The following TRIP11 variants were observed in gnomAD, a reference collection of about 807,000 sequenced individuals.
TRIP11 encodes thyroid hormone receptor interactor 11, also known as thyroid receptor-interacting protein 11.
Under a neutral mutation model 223.1 loss-of-function variants are expected in TRIP11, and 148 were observed. The observed-to-expected ratio is 0.66, with a 90% confidence interval of 0.58 to 0.76. The LOEUF (loss-of-function observed/expected upper bound fraction) is 0.76. Among genes scored for constraint, TRIP11 ranks in the 30% least tolerant of loss-of-function variants. TRIP11 has a pLI of 0.00. For missense variants in TRIP11, 2,043 were observed against 2,222.0 expected, an observed-to-expected ratio of 0.92 and a Z score of 1.62; for synonymous variants, 762 against 772.6, an observed-to-expected ratio of 0.99 and a Z score of 0.23.
At chr14:92,018,958 C>G (rs1371390158) in intron 4 of TRIP11, among the ~76,000 whole-genome samples, 5 of 66,312 alleles carry the variant, frequency 7.5e-5, no homozygotes, top group African/African-American at 2.1e-4. Flanking sequence ...AAGACTCCAT[C>G]TCAAAAAAAA....
chr14:92,020,196 G>A (rs2057092807), intron 4 of TRIP11, among the ~76,000 whole-genome samples: 1 of 151,784 alleles, frequency 6.6e-6, no homozygotes, highest in Non-Finnish European at 1.5e-5. Context: ...AGGTTGCAGT[G>A]AGCTGAGATG....
In TRIP11 at chr14:92,004,545, G is replaced by T; in HGVS notation, c.3431C>A (p.Ser1144Tyr). 6.2e-7 allele frequency: 1 copy of T among 1,613,262 alleles called. No homozygotes were observed. The highest frequency in any genetic ancestry group is 1.1e-5 in the South Asian group (1 of 91,040). Reference sequence around the variant, plus strand: ...TTGGCCACTACTTTCAAATCTAGTGGACAATTTTTTATTTTCATCTTGCAG... The same window carrying T: ...TTGGCCACTACTTTCAAATCTAGTGTACAATTTTTTATTTTCATCTTGCAG... ...IKLQDENKKL[S>Y]TRFESSGQDM... is the part of the protein sequence containing the mutation. The change falls in exon 11 of 21, where the codon TCC (serine) becomes TAC (tyrosine). Residue 1144 changes from serine to tyrosine, a missense_variant. Transcript: ENST00000267622.
At chr14:92,010,788 T>A (rs545773258) in intron 9 of TRIP11, among the ~76,000 whole-genome samples, 198 bp downstream of exon 9, 1 of 151,984 alleles carries the variant, frequency 6.6e-6, no homozygotes, top group East Asian at 1.9e-4. Flanking sequence ...TATTTCTAAA[T>A]ACGAACTCAA....
intron 11 of TRIP11, among the ~76,000 whole-genome samples, chr14:92,001,606 G>A (rs17806772): frequency 0.3 from 45,237 of 152,030 alleles, 6,901 homozygotes; most frequent in Middle Eastern, 0.35. Context: ...AGCTAACTTA[G>A]GGAAGCTTCC....
In TRIP11 at chr14:91,972,819, G is replaced by C. The variant is rs759092696; in HGVS notation, c.5617C>G (p.His1873Asp). 14 of 1,612,956 alleles carry C rather than the reference G, an allele frequency of 8.7e-6. No homozygotes were observed. The highest frequency in any genetic ancestry group is 1.2e-5 in the Non-Finnish European group (14 of 1,179,582). ...AGCTTTGGTGGTGGAATGGATGGAT[G>C]AGATTCTGTTTCTAGAAATTTAACA... Reference protein sequence around the residue: ...LFVKFLETESHPSIPPPKLSV... With the variant: ...LFVKFLETESDPSIPPPKLSV... The change falls in exon 20 of 21, where the codon CAT (histidine) becomes GAT (aspartate). Residue 1873 changes from histidine to aspartate, a missense_variant. Physicochemically the swap from His to Asp is moderately conservative, Grantham distance 81 (BLOSUM62 -1). Coordinates refer to ENST00000267622, the MANE Select transcript of TRIP11 (RefSeq NM_004239.4).
intron 4 of TRIP11, among the ~76,000 whole-genome samples, chr14:92,019,349 T>C (rs570597904): frequency 9.2e-5 from 14 of 152,302 alleles, no homozygotes; most frequent in South Asian, 6.2e-4. Context: ...TAAAACTGGC[T>C]AACAAATTGA....
At chr14:91,981,010 ATATTTTT>A (rs1358231384) in intron 16 of TRIP11, among the ~76,000 whole-genome samples, 666 of 55,534 alleles carry the variant, frequency 0.012, no homozygotes, top group Non-Finnish European at 0.018. Flanking sequence ...ATATATATAT[ATATTTTT>A]TTTTTTTTTT....
chr14:91,988,059 G>A (rs541043682), intron 16 of TRIP11, among the ~76,000 whole-genome samples: 1 of 152,296 alleles, frequency 6.6e-6, no homozygotes, highest in African/African-American at 2.4e-5. Flanking sequence ...CAATGGCATT[G>A]CCTCAACATC....
chr14:92,030,181 G>C (rs183494819), intron 2 of TRIP11, among the ~76,000 whole-genome samples: 1 of 143,004 alleles, frequency 7.0e-6, no homozygotes, highest in African/African-American at 2.6e-5. Flanking sequence ...TCCAGCCTGG[G>C]CGACAGAGCG....
intron 2 of TRIP11, chr14:92,027,014 T>C (rs986366936): frequency 1.5e-6 from 1 of 646,194 alleles, no homozygotes; most frequent in African/African-American, 2.2e-5. Flanking sequence ...CCGTGGGCAG[T>C]GCCACCAGCA....
chr14:92,014,426 T>C lies in TRIP11; in HGVS notation c.975A>G (p.Ala325=), dbSNP rs143126491. ...IKDINKKLSS[A]ENDRDILRRE... ...TCCTCAAAATATCTCTGTCATTTTC[T>C]GCAGAAGATAATTTTTTATTTATAT... Residue 325 remains alanine, a synonymous_variant, in exon 7 of 21, where the codon GCA becomes GCG. Coordinates refer to ENST00000267622, the MANE Select transcript of TRIP11 (RefSeq NM_004239.4). 31 of 1,609,296 alleles carry C rather than the reference T, an allele frequency of 1.9e-5. No homozygotes were observed. The highest frequency in any genetic ancestry group is 3.5e-4 in the Middle Eastern group (2 of 5,768).
At chr14:92,034,029 T>C (rs2057297006) in intron 1 of TRIP11, among the ~76,000 whole-genome samples, 1 of 152,188 alleles carries the variant, frequency 6.6e-6, no homozygotes, top group African/African-American at 2.4e-5. Flanking sequence ...CCACCTCCCT[T>C]TGTGCCCGAG....
chr14:91,999,068 T>G (rs2056787394), intron 13 of TRIP11, among the ~76,000 whole-genome samples, 172 bp downstream of exon 13: 1 of 152,130 alleles, frequency 6.6e-6, no homozygotes, highest in South Asian at 2.1e-4. Flanking sequence ...CCACACACAC[T>G]CTGAGTGCCT....
intron 20 of TRIP11, among the ~76,000 whole-genome samples, 160 bp downstream of exon 20, chr14:91,972,557 G>A (rs2056412737): frequency 6.7e-6 from 1 of 148,274 alleles, no homozygotes; most frequent in East Asian, 1.9e-4. Context: ...GCAAAAGCCT[G>A]ATGCCTTATT....
intron 2 of TRIP11, among the ~76,000 whole-genome samples, chr14:92,029,295 T>TTTTTA (rs1566874576): frequency 1.6e-5 from 2 of 128,070 alleles, no homozygotes; most frequent in African/African-American, 6.1e-5. Context: ...TTTTTTTTTT[T>TTTTTA]TTTTTTTTTT....
rs1180507209 is a variant in TRIP11 at position 91,966,163 on chromosome 14, C to T, written c.*3510G>A. On this transcript the variant is annotated 3_prime_UTR_variant, in exon 21 of 21. Transcript: ENST00000267622. ...TTAAGGTTGCGTTGGAAATTTCCCACGTTTAGATATTTCCCTAAAAATCAA... is the reference window on the plus strand; with the variant it reads ...TTAAGGTTGCGTTGGAAATTTCCCATGTTTAGATATTTCCCTAAAAATCAA... 1.1e-5 allele frequency: 2 copies of T among 174,766 alleles called. No homozygotes were observed. Among genetic ancestry groups the T allele is most frequent in the East Asian group, 9.9e-5 (1 of 10,150 alleles). The allele number at this position is 174,766 out of a possible 1,614,324, so 10.8% of individuals were successfully genotyped here. A position where few individuals can be genotyped will look rare whatever the true frequency, so the allele number is the denominator to read the frequency against.
rs543980233 is a variant in TRIP11, at chr14:92,019,118, G to C, written c.589-1368C>G. Among the ~76,000 whole-genome samples, 5 of 151,774 alleles carry C rather than the reference G, an allele frequency of 3.3e-5. No homozygotes were observed. The South Asian group carries it at 1.0e-3, about 32-fold the overall frequency. On this transcript the variant is annotated intron_variant, in intron 4 of 20. Coordinates refer to ENST00000267622, the MANE Select transcript of TRIP11 (RefSeq NM_004239.4). The stretch of plus-strand genomic sequence containing the variant: ...CAAATATTAATTTTTATTACGTCTT[G>C]CTAGAAAATTAAGTCCTCTGAACGG...
Position 91,972,735 on chromosome 14 carries a change from C to A in TRIP11, c.5701G>T (p.Ala1901Ser). The A allele has an allele frequency of 6.2e-7, 1 of 1,610,110 alleles. No homozygotes were observed. Among genetic ancestry groups the A allele is most frequent in the East Asian group, 2.2e-5 (1 of 44,712 alleles). The change falls in exon 20 of 21, where the codon GCA becomes TCA. Residue 1901 changes from alanine to serine, a missense_variant. Physicochemically the swap from Ala to Ser is moderately conservative, Grantham distance 99. Coordinates refer to ENST00000267622, the MANE Select transcript of TRIP11 (RefSeq NM_004239.4). ...SPGRRKRDTNAPESFKDTAES... is the reference protein window; with the variant it reads ...SPGRRKRDTNSPESFKDTAES... The stretch of plus-strand genomic sequence containing the variant: ...GTTTTACCTTTAAAACTTTCTGGTG[C>A]ATTTGTATCTCTTTTTCTTCTTCCT...
rs2057010627 is a variant in TRIP11, at chr14:92,014,417, G to A, written c.984C>T (p.Asp328=). 2 of 1,611,010 alleles carry A rather than the reference G, an allele frequency of 1.2e-6. No homozygotes were observed. The highest frequency in any genetic ancestry group is 1.7e-6 in the Non-Finnish European group (2 of 1,178,618). ...INKKLSSAEN[D]RDILRREQEQ... ...CTTGTTCTCTCCTCAAAATATCTCTGTCATTTTCTGCAGAAGATAATTTTT... is the reference window on the plus strand; with the variant it reads ...CTTGTTCTCTCCTCAAAATATCTCTATCATTTTCTGCAGAAGATAATTTTT... Residue 328 remains aspartate, a synonymous_variant, in exon 7 of 21, where the codon GAC becomes GAT. Transcript: ENST00000267622.
Sources: gnomAD v4.1 joint callset for allele counts (sites outside exome capture counted in the v4.1 genomes callset) on GRCh38, gnomAD v4.1.1 for gene constraint, MANE v1.5 for transcripts, NCBI Gene and HGNC (gene_info 2026-07-23, HGNC 2026-07-21) for gene names.